The following ACTR3 variants were observed in gnomAD, a reference collection of about 807,000 sequenced individuals.
The protein encoded by ACTR3 is actin related protein 3, also known as actin-related protein 3.
Under a neutral mutation model 56.8 loss-of-function variants are expected in ACTR3, and 12 were observed. That is an observed-to-expected ratio of 0.21 (90% confidence interval 0.14 to 0.34). ACTR3 has a LOEUF of 0.34. Ranked by LOEUF, ACTR3 falls within the 10% of genes least tolerant of loss-of-function variation. The pLI is 1.00. For synonymous variants in ACTR3, 162 were observed against 167.4 expected, an observed-to-expected ratio of 0.97 and a Z score of 0.25; for missense variants, 282 against 512.5, an observed-to-expected ratio of 0.55 and a Z score of 4.34.
intron 7 of ACTR3, among the ~76,000 whole-genome samples, chr2:113,940,748 C>G (rs1480742801): frequency 6.9e-6 from 1 of 145,288 alleles, no homozygotes; most frequent in East Asian, 2.0e-4. Flanking sequence ...ACTTACTTGT[C>G]TCTGTTTCCA....
At chr2:113,923,072 G>A (rs945364214) in intron 3 of ACTR3, among the ~76,000 whole-genome samples, 3 of 152,158 alleles carry the variant, frequency 2.0e-5, no homozygotes, top group South Asian at 2.1e-4. Context: ...CATTTTAAAC[G>A]CATTTTTAAG....
intron 1 of ACTR3, 105 bp downstream of exon 1, chr2:113,890,428 C>T (rs1678863604): frequency 1.5e-6 from 2 of 1,341,828 alleles, no homozygotes; most frequent in African/African-American, 1.5e-5. Flanking sequence ...GTGCCGCCGC[C>T]GGCTGTCAGT....
chr2:113,910,773 T>C (rs1679292611), intron 1 of ACTR3, among the ~76,000 whole-genome samples: 1 of 152,212 alleles, frequency 6.6e-6, no homozygotes, highest in Non-Finnish European at 1.5e-5. Context: ...GCATTGTTTT[T>C]AGGTATATTA....
intron 1 of ACTR3, among the ~76,000 whole-genome samples, chr2:113,896,315 A>G (rs1159666462): frequency 2.6e-5 from 4 of 152,120 alleles, no homozygotes; most frequent in African/African-American, 9.7e-5. Context: ...ACAGTGTGTT[A>G]TGCTTATTTT....
chr2:113,961,222 C>T lies in ACTR3; in HGVS notation c.*3767C>T, dbSNP rs1436472163. On this transcript the variant is annotated 3_prime_UTR_variant, in exon 12 of 12. Coordinates refer to ENST00000263238, the MANE Select transcript of ACTR3 (RefSeq NM_005721.5). ...TGCCTCAGTCTTGATAGAATCTTAA[C>T]AAAAATAAAATCTGTGGTCGTCTGA... is the stretch of plus-strand genomic sequence containing the variant. 1.3e-5 allele frequency: 2 copies of T among 151,880 alleles called. No homozygotes were observed. Among genetic ancestry groups the T allele is most frequent in the African/African-American group, 4.8e-5 (2 of 41,388 alleles). 9.4% of individuals were successfully genotyped at this position (151,880 alleles called of 1,614,324 possible).
intron 8 of ACTR3, among the ~76,000 whole-genome samples, chr2:113,947,136 A>G (rs1018124909): frequency 6.6e-6 from 1 of 152,192 alleles, no homozygotes; most frequent in Non-Finnish European, 1.5e-5. Context: ...ACCTCATTTC[A>G]TTTAAGGCAC....
chr2:113,954,083 A>C (rs1431094753), intron 10 of ACTR3: 1 of 152,072 alleles, frequency 6.6e-6, no homozygotes, highest in African/African-American at 2.4e-5. Flanking sequence ...GTAGGTTCAG[A>C]TTATGTACTT....
chr2:113,896,760 C>T (rs1311186329), intron 1 of ACTR3, among the ~76,000 whole-genome samples: 1 of 152,210 alleles, frequency 6.6e-6, no homozygotes, highest in Admixed American at 6.5e-5. Flanking sequence ...TCTTGAGCAT[C>T]ACAGTGACTG....
intron 5 of ACTR3, 24 bp from the exon 6 acceptor site, chr2:113,934,255 C>CT: frequency 7.2e-7 from 1 of 1,384,740 alleles, no homozygotes; most frequent in African/African-American, 1.7e-5. Context: ...GTTTTTTTGC[C>CT]TTTCTTCTTT....
chr2:113,922,203 TGAA>T (rs1411796759), intron 3 of ACTR3, among the ~76,000 whole-genome samples: 2 of 151,438 alleles, frequency 1.3e-5, no homozygotes, highest in Non-Finnish European at 2.9e-5. Flanking sequence ...GAGAGAGAGA[TGAA>T]GAGACACATT....
At chr2:113,914,984 G>T (rs1274116417) in intron 2 of ACTR3, among the ~76,000 whole-genome samples, 1 of 152,140 alleles carries the variant, frequency 6.6e-6, no homozygotes, top group Non-Finnish European at 1.5e-5. Context: ...ACATTTATAT[G>T]TCAATACGTT....
intron 8 of ACTR3, among the ~76,000 whole-genome samples, chr2:113,948,070 A>G (rs933562228): frequency 2.7e-4 from 41 of 152,306 alleles, no homozygotes; most frequent in East Asian, 9.6e-4. Context: ...AACCACTTCA[A>G]ACTCTTCTTA....
intron 6 of ACTR3, 65 bp from the exon 7 acceptor site, chr2:113,939,894 T>C: frequency 6.9e-7 from 1 of 1,457,242 alleles, no homozygotes; most frequent in South Asian, 1.3e-5. Context: ...TTGGTTCATA[T>C]TTTTGGGTTA....
At chr2:113,947,928 CT>C (rs917471167) in intron 8 of ACTR3, among the ~76,000 whole-genome samples, 3 of 151,506 alleles carry the variant, frequency 2.0e-5, no homozygotes, top group Non-Finnish European at 2.9e-5. Flanking sequence ...GTTTTGTTTT[CT>C]TTTTTTTAAA....
chr2:113,962,138 G>T lies in ACTR3; in HGVS notation c.*4683G>T, dbSNP rs1353991442. 4 of 151,882 alleles carry T rather than the reference G, an allele frequency of 2.6e-5. No homozygotes were observed. The highest frequency in any genetic ancestry group is 5.9e-5 in the Non-Finnish European group (4 of 67,874). 9.4% of individuals were successfully genotyped at this position (151,882 alleles called of 1,614,324 possible). On this transcript the variant is annotated 3_prime_UTR_variant, in exon 12 of 12. Transcript: ENST00000263238. Reference sequence around the variant, plus strand: ...ATACCCATATTTGTCAAATATGACCGAATTACGACTTTTTTTCTGTTCCAC... The same window carrying T: ...ATACCCATATTTGTCAAATATGACCTAATTACGACTTTTTTTCTGTTCCAC...
intron 1 of ACTR3, among the ~76,000 whole-genome samples, chr2:113,899,924 C>T (rs971145329): frequency 6.6e-6 from 1 of 152,196 alleles, no homozygotes; most frequent in African/African-American, 2.4e-5. Flanking sequence ...TTTATTTACT[C>T]ATCTTGCCTT....
intron 1 of ACTR3, among the ~76,000 whole-genome samples, chr2:113,891,394 T>C (rs1447113494): frequency 6.6e-6 from 1 of 152,160 alleles, no homozygotes; most frequent in African/African-American, 2.4e-5. Flanking sequence ...GGCTTTAAAG[T>C]GTGGTCGTTC....
intron 4 of ACTR3, among the ~76,000 whole-genome samples, chr2:113,929,639 T>C (rs1373849755): frequency 6.6e-6 from 1 of 152,094 alleles, no homozygotes; most frequent in Admixed American, 6.6e-5. Flanking sequence ...AGTGATGCAT[T>C]AGTAATCTGC....
At chr2:113,913,867 G>GGTCT (rs1265454531) in intron 2 of ACTR3, among the ~76,000 whole-genome samples, 2 of 152,122 alleles carry the variant, frequency 1.3e-5, no homozygotes, top group Non-Finnish European at 2.9e-5. Flanking sequence ...TGTTAGCATA[G>GGTCT]GTCTGTTCCT....
Sources: allele counts gnomAD v4.1 joint callset (sites outside exome capture counted in the v4.1 genomes callset), GRCh38; gene constraint gnomAD v4.1.1; transcripts MANE v1.5; gene names NCBI Gene and HGNC (gene_info 2026-07-23, HGNC 2026-07-21).